CRADD: variants seen among roughly 807,000 people sequenced by gnomAD.
CRADD encodes CARD and death domain containing adaptor protein.
CRADD carries 9 observed loss-of-function variants against 15.5 expected under a neutral mutation model. That is an observed-to-expected ratio of 0.58 (90% CI 0.35 to 1.01). The LOEUF is 1.01. Among genes scored for constraint, CRADD ranks in the 50% least tolerant of loss-of-function variants. The pLI, the probability that CRADD is intolerant of heterozygous loss-of-function variation, is 0.02. For missense variants in CRADD, 227 were observed against 250.3 expected (o/e 0.91, Z 0.63); for synonymous variants, 118 against 107.6 (o/e 1.10, Z -0.60).
chr12:93,771,251 C>T lies in CRADD; in HGVS notation c.299-78719C>T, dbSNP rs190167321. Reference sequence around the variant, plus strand: ...GAATTTCTGGAACATACAGCTTGCACCTTCATATTCCCCAGTGAGTTCTAT... The same window carrying T: ...GAATTTCTGGAACATACAGCTTGCATCTTCATATTCCCCAGTGAGTTCTAT... On this transcript the variant is annotated intron_variant, in intron 2 of 2. Transcript: ENST00000332896. Among the ~76,000 whole-genome samples the T allele has an allele frequency of 5.9e-5, 9 of 152,300 alleles. No individual in the cohort carries two copies. In the East Asian group the frequency reaches 1.7e-3, roughly 29 times the overall value.
chr12:93,727,061 T>C (rs1426674742), intron 2 of CRADD, among the ~76,000 whole-genome samples: 1 of 152,228 alleles, frequency 6.6e-6, no homozygotes, highest in African/African-American at 2.4e-5. Context: ...ATTATGCAAT[T>C]TGCCTTATTT....
chr12:93,679,051 G>A lies in CRADD; in HGVS notation c.277G>A (p.Ala93Thr). The A allele has an allele frequency of 1.9e-6, 3 of 1,613,378 alleles. No homozygotes were observed. Among genetic ancestry groups the A allele is most frequent in the Non-Finnish European group, 2.5e-6 (3 of 1,179,442 alleles). ...REKLKKAREEAMTDLPAGDRL... is the reference protein window; with the variant it reads ...REKLKKAREETMTDLPAGDRL... ...GAAGCTGAAGAAGGCAAGGGAAGAG[G>A]CCATGACCGACCTGCCTGCAGGTAG... The change falls in exon 2 of 3, where the codon GCC becomes ACC. Residue 93 changes from alanine (A) to threonine (T), a missense_variant. Transcript: ENST00000332896.
At chr12:93,796,781 T>C (rs1316305311) in intron 2 of CRADD, among the ~76,000 whole-genome samples, 1 of 152,172 alleles carries the variant, frequency 6.6e-6, no homozygotes, top group Non-Finnish European at 1.5e-5. Context: ...ATGAGTCTCT[T>C]TGACATTAAT....
At chr12:93,816,527 A>G (rs1470815624) in intron 2 of CRADD, among the ~76,000 whole-genome samples, 1 of 152,092 alleles carries the variant, frequency 6.6e-6, no homozygotes, top group Non-Finnish European at 1.5e-5. Context: ...ATACCCTGCC[A>G]GAAAACAATT....
downstream of CRADD, among the ~76,000 whole-genome samples, chr12:93,852,085 C>G (rs1226187427): frequency 2.6e-5 from 4 of 152,164 alleles, no homozygotes; most frequent in Non-Finnish European, 5.9e-5. Flanking sequence ...AATTCTCATG[C>G]TTTTGGCCAT....
intron 2 of CRADD, among the ~76,000 whole-genome samples, chr12:93,812,385 CATAA>C (rs1474106992): frequency 1.3e-5 from 2 of 151,988 alleles, no homozygotes; most frequent in Non-Finnish European, 1.5e-5. Flanking sequence ...GACTAACTGG[CATAA>C]ATAAATAGTG....
In CRADD at chr12:93,886,119, T is replaced by C. The variant is rs191588188; in HGVS notation, c.299-7931T>C. ...AATCAGTCTTTATATCTATAAGATA[T>C]ACAACTGCCAAGCTAAGATGGACAT... is the stretch of plus-strand genomic sequence containing the variant. On this transcript the variant is annotated intron_variant, in intron 2 of 2. Coordinates refer to the CRADD transcript ENST00000548483. 3.6e-4 allele frequency among the ~76,000 whole-genome samples: 54 copies of C among 149,582 alleles called. 1 individual carries two copies. In the East Asian group the frequency reaches 0.01, roughly 29 times the overall value.
At chr12:93,706,053 T>C (rs758922213) in intron 2 of CRADD, among the ~76,000 whole-genome samples, 124 of 152,352 alleles carry the variant, frequency 8.1e-4, no homozygotes, top group Admixed American at 1.6e-3. Flanking sequence ...ACTTGTCTTA[T>C]AAAAAATACA....
intron 2 of CRADD, among the ~76,000 whole-genome samples, chr12:93,808,980 T>C (rs184711318): frequency 2.2e-3 from 333 of 152,314 alleles, no homozygotes; most frequent in African/African-American, 7.5e-3. Flanking sequence ...AATGGCGCCT[T>C]CTTGGCTCAC....
At chr12:93,695,291 C>T (rs1169856822) in intron 2 of CRADD, among the ~76,000 whole-genome samples, 1 of 152,080 alleles carries the variant, frequency 6.6e-6, no homozygotes, top group Non-Finnish European at 1.5e-5. Context: ...CATCTCACAC[C>T]ATGTATAAAA....
At chr12:93,799,899 G>C (rs1480729195) in intron 2 of CRADD, among the ~76,000 whole-genome samples, 2 of 152,148 alleles carry the variant, frequency 1.3e-5, no homozygotes, top group African/African-American at 4.8e-5. Context: ...TCTCATCTCT[G>C]AATATGCCAG....
intron 2 of CRADD, among the ~76,000 whole-genome samples, chr12:93,779,671 C>G (rs1163451629): frequency 6.7e-6 from 1 of 149,944 alleles, no homozygotes; most frequent in African/African-American, 2.4e-5. Context: ...CCCACTGCAA[C>G]CTCCACCTCC....
chr12:93,855,110 G>T (rs1958261672), downstream of CRADD, among the ~76,000 whole-genome samples: 1 of 152,024 alleles, frequency 6.6e-6, no homozygotes, highest in Non-Finnish European at 1.5e-5. Flanking sequence ...CAGGAGAATT[G>T]CTTGAACCCA....
chr12:93,812,081 G>T (rs114259719), intron 2 of CRADD, among the ~76,000 whole-genome samples: 6,935 of 152,214 alleles, frequency 0.046, 178 homozygotes, highest in African/African-American at 0.056. Context: ...TATAGAGAAA[G>T]TAAAAAAGAT....
chr12:93,800,847 G>A (rs1008177435), intron 2 of CRADD, among the ~76,000 whole-genome samples: 9 of 151,892 alleles, frequency 5.9e-5, no homozygotes, highest in East Asian at 3.9e-4. Context: ...ATAATGTTTC[G>A]CCAGCTATCT....
chr12:93,775,398 T>C (rs1957130555), intron 2 of CRADD, among the ~76,000 whole-genome samples: 1 of 152,124 alleles, frequency 6.6e-6, no homozygotes, highest in Non-Finnish European at 1.5e-5. Flanking sequence ...CAAACACGTA[T>C]ATAGGTTTGC....
At chr12:93,681,135 C>T (rs997184540) in intron 2 of CRADD, among the ~76,000 whole-genome samples, 4 of 152,144 alleles carry the variant, frequency 2.6e-5, no homozygotes, top group African/African-American at 7.2e-5. Flanking sequence ...CCGCCCACCT[C>T]GGCCTCCCAA....
At chr12:93,829,369 T>C (rs1957863720) in intron 2 of CRADD, among the ~76,000 whole-genome samples, 1 of 152,136 alleles carries the variant, frequency 6.6e-6, no homozygotes, top group South Asian at 2.1e-4. Context: ...CAAACCCCTA[T>C]AAGGCTTGCA....
At chr12:93,718,910 C>A (rs1435834074) in intron 2 of CRADD, among the ~76,000 whole-genome samples, 1 of 151,978 alleles carries the variant, frequency 6.6e-6, no homozygotes, top group Non-Finnish European at 1.5e-5. Context: ...CAGATGTGCA[C>A]CACCATGCCT....
Sources: allele counts gnomAD v4.1 joint callset (sites outside exome capture counted in the v4.1 genomes callset), GRCh38; gene constraint gnomAD v4.1.1; transcripts MANE v1.5; gene names NCBI Gene and HGNC (gene_info 2026-07-23, HGNC 2026-07-21).